The following GALNT18 variants were observed in gnomAD, a reference collection of about 807,000 sequenced individuals.
GALNT18 encodes GalNAc-transferase 18.
A neutral mutation model predicts 69.5 loss-of-function variants in GALNT18; 44 were observed. The observed-to-expected ratio is 0.63, with a 90% CI of 0.50 to 0.81. The LOEUF (loss-of-function observed/expected upper bound fraction) is 0.81. Ranked by LOEUF, GALNT18 falls within the 40% of genes least tolerant of loss-of-function variation. The pLI, the probability that GALNT18 is intolerant of heterozygous loss-of-function variation, is 0.00. For missense variants in GALNT18, 715 were observed against 810.0 expected, an observed-to-expected ratio of 0.88 and a Z score of 1.42; for synonymous variants, 364 against 318.2, an observed-to-expected ratio of 1.14 and a Z score of -1.53.
rs560248322 is a variant in GALNT18, at chr11:11,538,244, T to G, written c.235+83115A>C. Among the ~76,000 whole-genome samples, 103 of 152,108 alleles carry G rather than the reference T, an allele frequency of 6.8e-4. No homozygotes were observed. The highest frequency in any genetic ancestry group is 1.3e-3 in the Non-Finnish European group (91 of 68,006). ...GACCTTTCTGGTTCTGAGCTCAAGG[T>G]CAGTGTTGCGAACAGCCCGCCCTGC... On this transcript the variant is annotated intron_variant, in intron 1 of 10. Coordinates refer to ENST00000227756, the MANE Select transcript of GALNT18 (RefSeq NM_198516.3). This position sits in a 1 kb window ranked among gnomAD's most constrained non-coding sequence, Gnocchi z 5.2.
chr11:11,377,030 T>C lies in GALNT18; in HGVS notation c.977+152A>G. The C allele has an allele frequency of 1.5e-6, 1 of 647,382 alleles. No individual in the cohort carries two copies. The highest frequency in any genetic ancestry group is 2.7e-6 in the Non-Finnish European group (1 of 372,666). 40.1% of individuals were successfully genotyped at this position (647,382 alleles called of 1,614,324 possible). ...CTGAGATCTTCAGAGCCTGTGGCAG[T>C]GACTGAAGATCAGACTGCAGTTCCT... On this transcript the variant is annotated intron_variant, in intron 5 of 10. Transcript: ENST00000227756. The surrounding 1 kb of genome is among the most constrained non-coding windows in gnomAD (Gnocchi z 4.6).
In GALNT18 at chr11:11,443,605, C is replaced by A. The variant is rs113309842; in HGVS notation, c.428+5139G>T. Among the ~76,000 whole-genome samples the A allele has an allele frequency of 1.3e-3, 198 of 152,108 alleles. 2 individuals are homozygous for A. The highest frequency in any genetic ancestry group is 4.6e-3 in the African/African-American group (191 of 41,516). On this transcript the variant is annotated intron_variant, in intron 2 of 10. Coordinates refer to ENST00000227756, the MANE Select transcript of GALNT18 (RefSeq NM_198516.3). ...AGAGCCATAGGACATCTGGAGCCTG[C>A]GGCTGGGGCCATGGGGGATGGAGCC...
chr11:11,483,488 G>C (rs1023207441), intron 1 of GALNT18, among the ~76,000 whole-genome samples: 4 of 152,224 alleles, frequency 2.6e-5, no homozygotes, highest in Non-Finnish European at 5.9e-5. Context: ...ATGTCCACTG[G>C]ACATTATTCT....
intron 1 of GALNT18, among the ~76,000 whole-genome samples, chr11:11,560,944 T>G (rs1298668184): frequency 6.6e-6 from 1 of 152,196 alleles, no homozygotes; most frequent in Non-Finnish European, 1.5e-5. Context: ...CAGGGTCTTG[T>G]CCTGCAGAGG....
At chr11:11,316,453 G>A (rs1006942621) in intron 9 of GALNT18, among the ~76,000 whole-genome samples, 2 of 152,142 alleles carry the variant, frequency 1.3e-5, no homozygotes, top group South Asian at 4.1e-4. Context: ...GCGGACACTG[G>A]GGCCAATACC....
Position 11,332,343 on chromosome 11 carries a change from G to A in GALNT18, c.1416+351C>T, listed in dbSNP as rs763611708. Among the ~76,000 whole-genome samples the A allele has an allele frequency of 4.6e-5, 7 of 152,216 alleles. No homozygotes were observed. The highest frequency in any genetic ancestry group is 1.0e-4 in the Non-Finnish European group (7 of 68,036). ...AGGGAGGCACACAGGGTGACTCATA[G>A]ACCCTCAGGCACCCCAGCTGGGAGA... On this transcript the variant is annotated intron_variant, in intron 8 of 10. Coordinates refer to ENST00000227756, the MANE Select transcript of GALNT18 (RefSeq NM_198516.3). This position sits in a 1 kb window ranked among gnomAD's most constrained non-coding sequence, Gnocchi z 4.3.
chr11:11,453,631 G>C (rs1166445672), intron 1 of GALNT18, among the ~76,000 whole-genome samples: 1 of 152,198 alleles, frequency 6.6e-6, no homozygotes, highest in Non-Finnish European at 1.5e-5. Context: ...ACCCGGTGGA[G>C]GTAACTGAAT....
rs1354167636 is a variant in GALNT18, at chr11:11,564,543, T to C, written c.235+56816A>G. Among the ~76,000 whole-genome samples the C allele has an allele frequency of 2.0e-5, 3 of 152,208 alleles. No individual in the cohort carries two copies. The highest frequency in any genetic ancestry group is 4.4e-5 in the Non-Finnish European group (3 of 68,040). ...CCTTATTTGAGGGCTGAAAGAGTCA[T>C]TTGCCTCAAAGGCAAACCTGAAAAC... On this transcript the variant is annotated intron_variant, in intron 1 of 10. Transcript: ENST00000227756. This position sits in a 1 kb window ranked among gnomAD's most constrained non-coding sequence, Gnocchi z 4.3.
chr11:11,453,986 T>A (rs1390229051), intron 1 of GALNT18, among the ~76,000 whole-genome samples: 2 of 152,256 alleles, frequency 1.3e-5, no homozygotes, highest in African/African-American at 4.8e-5. Flanking sequence ...TTGTTCTCTG[T>A]TGAGTCCCTC....
chr11:11,324,403 G>A (rs750780570), intron 9 of GALNT18, among the ~76,000 whole-genome samples: 1 of 152,198 alleles, frequency 6.6e-6, no homozygotes, highest in Non-Finnish European at 1.5e-5. Flanking sequence ...CATAGTCCAA[G>A]TGTCCATCAG....
At chr11:11,280,358 G>A (rs1849045810) in intron 10 of GALNT18, among the ~76,000 whole-genome samples, 1 of 152,126 alleles carries the variant, frequency 6.6e-6, no homozygotes, top group African/African-American at 2.4e-5. Context: ...GCTCTCACAT[G>A]CCTAATGGCC....
intron 3 of GALNT18, among the ~76,000 whole-genome samples, chr11:11,425,846 C>T (rs1290045136): frequency 1.3e-5 from 2 of 152,236 alleles, no homozygotes; most frequent in Non-Finnish European, 2.9e-5. Flanking sequence ...AAGAACGAAG[C>T]AATGAATGCC....
chr11:11,540,119 A>C lies in GALNT18; in HGVS notation c.235+81240T>G, dbSNP rs894838724. On this transcript the variant is annotated intron_variant, in intron 1 of 10. Coordinates refer to ENST00000227756, the MANE Select transcript of GALNT18 (RefSeq NM_198516.3). This position sits in a 1 kb window ranked among gnomAD's most constrained non-coding sequence, Gnocchi z 4.6. ...TGGGCCTCGGTTTCTTTTTCTAAAA[A>C]CTTAAGGCATTGGACTGGATTATTC... Among the ~76,000 whole-genome samples, 1 of 152,158 alleles carries C rather than the reference A, an allele frequency of 6.6e-6. No individual in the cohort carries two copies. The highest frequency in any genetic ancestry group is 1.5e-5 in the Non-Finnish European group (1 of 68,026).
At position 11,339,040 on chromosome 11, in the gene GALNT18, G is replaced by C. The variant is rs1252699086; in HGVS notation, c.1278+1779C>G. ...CAAAGCAGTCTTGATGAAGTATCAG[G>C]ATATAGCTTGGGAGAAGGATTGGGA... On this transcript the variant is annotated intron_variant, in intron 7 of 10. Transcript: ENST00000227756. The surrounding 1 kb of genome is among the most constrained non-coding windows in gnomAD (Gnocchi z 5.2). Among the ~76,000 whole-genome samples the C allele has an allele frequency of 6.6e-6, 1 of 152,170 alleles. No homozygotes were observed. The highest frequency in any genetic ancestry group is 1.5e-5 in the Non-Finnish European group (1 of 68,018).
At chr11:11,473,444 T>A (rs1240985714) in intron 1 of GALNT18, among the ~76,000 whole-genome samples, 2 of 152,234 alleles carry the variant, frequency 1.3e-5, no homozygotes, top group African/African-American at 4.8e-5. Flanking sequence ...GGTGTCTTAG[T>A]TATTCAATAG....
intron 10 of GALNT18, among the ~76,000 whole-genome samples, chr11:11,283,907 CTAA>C (rs572512327): frequency 8.2e-4 from 125 of 152,232 alleles, no homozygotes; most frequent in African/African-American, 2.3e-3. Context: ...ATTTTGAAGG[CTAA>C]TAATAATTCC....
rs1855490906 is a variant in GALNT18 at position 11,439,621 on chromosome 11, C to A, written c.429-6834G>T. Among the ~76,000 whole-genome samples the A allele has an allele frequency of 6.6e-6, 1 of 152,228 alleles. No homozygotes were observed. Among genetic ancestry groups the A allele is most frequent in the African/African-American group, 2.4e-5 (1 of 41,456 alleles). Reference sequence around the variant, plus strand: ...GACTATAAGCTGTACAAGGTTAGGGCCGTGTCTGCTTTGCTCATCAGGTAT... The same window carrying A: ...GACTATAAGCTGTACAAGGTTAGGGACGTGTCTGCTTTGCTCATCAGGTAT... On this transcript the variant is annotated intron_variant, in intron 2 of 10. Transcript: ENST00000227756. The surrounding 1 kb of genome is among the most constrained non-coding windows in gnomAD (Gnocchi z 4.4).
Position 11,387,504 on chromosome 11 carries a change from G to C in GALNT18, c.596-8240C>G, listed in dbSNP as rs999879269. On this transcript the variant is annotated intron_variant, in intron 3 of 10. Transcript: ENST00000227756. The surrounding 1 kb of genome is among the most constrained non-coding windows in gnomAD (Gnocchi z 4.6). ...GTGCAATTAATTGCTTGTCTCCAAT[G>C]GTGCTAATTTAAAGATTAAAAGTGT... Among the ~76,000 whole-genome samples, 1 of 152,086 alleles carries C rather than the reference G, an allele frequency of 6.6e-6. No individual in the cohort carries two copies. Among genetic ancestry groups the C allele is most frequent in the Admixed American group, 6.5e-5 (1 of 15,276 alleles).
At position 11,297,706 on chromosome 11, in the gene GALNT18, G is replaced by A. The variant is rs371083815; in HGVS notation, c.1513-4513C>T. Among the ~76,000 whole-genome samples the A allele has an allele frequency of 1.2e-4, 18 of 152,230 alleles. No individual in the cohort carries two copies. The East Asian group carries it at 3.5e-3, about 30-fold the overall frequency. ...CTCCTGTAACTCTGGTCTGAGGCTGGGGTGAGCTGTTATCCTGCCTGTGGA... is the reference window on the plus strand; with the variant it reads ...CTCCTGTAACTCTGGTCTGAGGCTGAGGTGAGCTGTTATCCTGCCTGTGGA... On this transcript the variant is annotated intron_variant, in intron 9 of 10. Transcript: ENST00000227756.
Sources: gnomAD v4.1 joint callset for allele counts (sites outside exome capture counted in the v4.1 genomes callset) on GRCh38, gnomAD v4.1.1 for gene constraint, Gnocchi (gnomAD v3.1) non-coding constraint, MANE v1.5 for transcripts, NCBI Gene and HGNC (gene_info 2026-07-23, HGNC 2026-07-21) for gene names.